Variants in HNF4G observed in about 807,000 individuals in gnomAD.
HNF4G encodes hepatocyte nuclear factor 4-gamma.
A neutral mutation model predicts 50.9 loss-of-function variants in HNF4G; 21 were observed. The observed-to-expected ratio is 0.41, with a 90% CI of 0.29 to 0.59. The LOEUF is 0.59. Among genes scored for constraint, HNF4G ranks in the 20% least tolerant of loss-of-function variants. HNF4G has a pLI of 0.26. For missense variants in HNF4G, 527 were observed against 559.4 expected (o/e 0.94, Z 0.58); for synonymous variants, 198 against 185.6 (o/e 1.07, Z -0.54).
At chr8:75,547,108 A>G (rs1358917907) in intron 2 of HNF4G, among the ~76,000 whole-genome samples, 1 of 152,146 alleles carries the variant, frequency 6.6e-6, no homozygotes, top group Non-Finnish European at 1.5e-5. Flanking sequence ...GTTGTCCTCA[A>G]TGACCTCTTA....
At chr8:75,514,722 G>C (rs1011743224) in intron 2 of HNF4G, among the ~76,000 whole-genome samples, 4 of 152,002 alleles carry the variant, frequency 2.6e-5, no homozygotes, top group Non-Finnish European at 5.9e-5. Context: ...TTTTGTTACT[G>C]CTGTTTACAT....
chr8:75,446,817 G>A (rs879744513), intron 1 of HNF4G, among the ~76,000 whole-genome samples: 3 of 114,132 alleles, frequency 2.6e-5, no homozygotes, highest in African/African-American at 3.9e-5. Flanking sequence ...CCATACTCAT[G>A]GGTAGGAAGA....
intron 1 of HNF4G, among the ~76,000 whole-genome samples, chr8:75,467,371 C>G (rs1251817846): frequency 6.6e-6 from 1 of 152,072 alleles, no homozygotes; most frequent in African/African-American, 2.4e-5. Flanking sequence ...ATTTTATATT[C>G]GCAAACAGGG....
At chr8:75,543,621 T>C (rs1364810219) in intron 1 of HNF4G, among the ~76,000 whole-genome samples, 190 bp from the exon 2 acceptor site, 3 of 152,014 alleles carry the variant, frequency 2.0e-5, no homozygotes, top group Non-Finnish European at 2.9e-5. Flanking sequence ...TGTCCCAAAG[T>C]TAAATGTTCA....
chr8:75,529,553 CATT>C (rs1416782422), intron 2 of HNF4G, among the ~76,000 whole-genome samples: 1 of 152,074 alleles, frequency 6.6e-6, no homozygotes, highest in Non-Finnish European at 1.5e-5. Flanking sequence ...GGTAGGGTAC[CATT>C]TTCTATGGTA....
chr8:75,498,781 A>G (rs113696575), intron 2 of HNF4G, among the ~76,000 whole-genome samples: 5,764 of 152,158 alleles, frequency 0.038, 165 homozygotes, highest in Middle Eastern at 0.068. Context: ...CTAAAAGAAT[A>G]AAGAACAAAA....
chr8:75,461,156 A>G (rs528215507), intron 1 of HNF4G, among the ~76,000 whole-genome samples: 1 of 152,306 alleles, frequency 6.6e-6, no homozygotes, highest in South Asian at 2.1e-4. Context: ...AGTGTTGTGA[A>G]CAACACAAAT....
At chr8:75,471,682 A>T (rs377547781) in intron 1 of HNF4G, among the ~76,000 whole-genome samples, 4 of 152,188 alleles carry the variant, frequency 2.6e-5, no homozygotes, top group African/African-American at 9.7e-5. Flanking sequence ...ATAGAATATG[A>T]ATTCAGATAT....
At chr8:75,496,868 G>A (rs1307631368) in intron 2 of HNF4G, among the ~76,000 whole-genome samples, 1 of 151,956 alleles carries the variant, frequency 6.6e-6, no homozygotes, top group African/African-American at 2.4e-5. Flanking sequence ...TCTGATGACT[G>A]TCTAAAGTTT....
intron 1 of HNF4G, among the ~76,000 whole-genome samples, chr8:75,417,508 C>T (rs1039498519): frequency 4.6e-5 from 7 of 152,172 alleles, no homozygotes; most frequent in South Asian, 2.1e-4. Context: ...CAAGGCCATT[C>T]GTCTCCAGAG....
chr8:75,501,790 C>T (rs893400089), intron 2 of HNF4G, among the ~76,000 whole-genome samples: 1 of 151,976 alleles, frequency 6.6e-6, no homozygotes, highest in Non-Finnish European at 1.5e-5. Flanking sequence ...ATGACTGAAT[C>T]AAGCTAATTA....
At chr8:75,530,146 T>C (rs1334646640) in intron 2 of HNF4G, among the ~76,000 whole-genome samples, 1 of 152,088 alleles carries the variant, frequency 6.6e-6, no homozygotes, top group Admixed American at 6.6e-5. Flanking sequence ...CTAAATACAT[T>C]ATACCTGGAG....
intron 1 of HNF4G, among the ~76,000 whole-genome samples, chr8:75,464,467 T>C (rs1014676963): frequency 6.6e-6 from 1 of 152,166 alleles, no homozygotes; most frequent in South Asian, 2.1e-4. Flanking sequence ...CAAAGTTTTA[T>C]ATTGTCTCAG....
chr8:75,484,588 C>T (rs1317725025), intron 1 of HNF4G, among the ~76,000 whole-genome samples: 1 of 152,194 alleles, frequency 6.6e-6, no homozygotes, highest in Non-Finnish European at 1.5e-5. Context: ...TCCCCAGTTA[C>T]ATGTTCTCAC....
rs1369605084 is a variant in HNF4G at position 75,560,478 on chromosome 8, G to T, written c.1246+12G>T. On this transcript the variant is annotated intron_variant, in intron 9 of 9. Transcript: ENST00000396423. ...TGCAGACCAGATCTGTAAGTTTATA[G>T]ACTACTTTTCAACCAAGATATTTCT... The T allele has an allele frequency of 1.2e-6, 2 of 1,602,910 alleles. No individual in the cohort carries two copies. The highest frequency in any genetic ancestry group is 1.7e-5 in the Admixed American group (1 of 57,958).
intron 2 of HNF4G, 63 bp from the exon 3 acceptor site, chr8:75,547,524 C>T: frequency 8.8e-7 from 1 of 1,131,346 alleles, no homozygotes; most frequent in Non-Finnish European, 1.3e-6. Context: ...ATCCATTTGT[C>T]TGTTTATTTG....
chr8:75,494,299 A>AACACACACAC (rs1812706318), intron 2 of HNF4G, among the ~76,000 whole-genome samples: 4 of 137,042 alleles, frequency 2.9e-5, no homozygotes, highest in African/African-American at 1.0e-4. Flanking sequence ...TCTCCCATAC[A>AACACACACAC]GCACACACAC....
At chr8:75,545,249 G>A (rs937959032) in intron 2 of HNF4G, among the ~76,000 whole-genome samples, 23 of 140,360 alleles carry the variant, frequency 1.6e-4, no homozygotes, top group Non-Finnish European at 3.1e-4. Context: ...ATGTGTGTGT[G>A]TGTGTGTGTG....
At chr8:75,560,226 CA>C in intron 8 of HNF4G, 117 bp from the exon 9 acceptor site, 1 of 1,042,202 alleles carries the variant, frequency 9.6e-7, no homozygotes, top group Non-Finnish European at 1.4e-6. Flanking sequence ...TTTGAATTCC[CA>C]AAAAGCACTT....
Sources: gnomAD v4.1 joint callset for allele counts (sites outside exome capture counted in the v4.1 genomes callset) on GRCh38, gnomAD v4.1.1 for gene constraint, MANE v1.5 for transcripts, NCBI Gene and HGNC (gene_info 2026-07-23, HGNC 2026-07-21) for gene names.